AHCTF1: variants seen among roughly 807,000 people sequenced by gnomAD.
AHCTF1 encodes the protein AT-hook containing transcription factor 1, also known as protein ELYS.
In AHCTF1, 24 loss-of-function variants were observed where a neutral mutation model predicts 248.4. The observed-to-expected ratio is 0.10, with a 90% confidence interval of 0.07 to 0.14. AHCTF1 has a LOEUF of 0.14. AHCTF1 is among the 10% of genes least tolerant of loss of function. The pLI, the probability that AHCTF1 is intolerant of heterozygous loss-of-function variation, is 1.00. For synonymous variants in AHCTF1, 786 were observed against 929.8 expected, an observed-to-expected ratio of 0.85 and a Z score of 2.81; for missense variants, 2,206 against 2,636.2, an observed-to-expected ratio of 0.84 and a Z score of 3.57.
At chr1:246,927,045 A>G (rs370390882) in intron 1 of AHCTF1, among the ~76,000 whole-genome samples, 3 of 151,142 alleles carry the variant, frequency 2.0e-5, no homozygotes, top group East Asian at 3.9e-4. Context: ...GGGCGTGGTG[A>G]CGGGAACCTG....
intron 17 of AHCTF1, among the ~76,000 whole-genome samples, chr1:246,889,292 C>G (rs1054281199): frequency 6.6e-6 from 1 of 151,862 alleles, no homozygotes; most frequent in Non-Finnish European, 1.5e-5. Flanking sequence ...CCCCTGATTT[C>G]CTTTTCTAAT....
rs201652739 is a variant in AHCTF1 at position 246,921,662 on chromosome 1, GA to G, written c.-7-3286del. Among the ~76,000 whole-genome samples the G allele has an allele frequency of 3.9e-3, 599 of 152,102 alleles. 2 individuals carry two copies. The highest frequency in any genetic ancestry group is 0.014 in the African/African-American group (566 of 41,488). ...AGTCAGGAAGTCCAATGAATCCTAG[GA>G]ACTACCAAAAAAGAGAAATGACTCA... On this transcript the variant is annotated intron_variant, in intron 1 of 35. Transcript: ENST00000648844.
chr1:246,860,196 G>C (rs1396761731), intron 29 of AHCTF1, among the ~76,000 whole-genome samples: 3 of 151,466 alleles, frequency 2.0e-5, no homozygotes, highest in Non-Finnish European at 4.4e-5. Flanking sequence ...GTTGGGGGGG[G>C]GGCGGAGGTT....
rs770863446 is a variant in AHCTF1 at position 246,877,052 on chromosome 1, A to G, written c.2835T>C (p.Ser945=). ...GGAATTCATGATTCTGAACGCTGGC[A>G]CTGGACTGCAAAAATTTCACTAAAC... ...QECLVKFLQS[S]ASVQNHEFLL... is the part of the protein sequence containing the mutation. Residue 945 remains serine (S), a synonymous_variant, in exon 23 of 36, where the codon AGT becomes AGC. Transcript: ENST00000648844. 2.5e-6 allele frequency: 4 copies of G among 1,612,224 alleles called. No individual in the cohort carries two copies. Among genetic ancestry groups the G allele is most frequent in the South Asian group, 2.2e-5 (2 of 90,992 alleles).
intron 4 of AHCTF1, among the ~76,000 whole-genome samples, chr1:246,910,787 G>GGAA (rs1665746621): frequency 6.6e-6 from 1 of 151,644 alleles, no homozygotes; most frequent in East Asian, 1.9e-4. Flanking sequence ...TCAGAGAAGA[G>GGAA]ATTAGATTTT....
At chr1:246,928,302 CAAAAAAAAAAAAAA>C (rs35687457) in intron 1 of AHCTF1, among the ~76,000 whole-genome samples, 1 of 94,228 alleles carries the variant, frequency 1.1e-5, no homozygotes, top group Non-Finnish European at 2.2e-5. Flanking sequence ...GACTCCGTCT[CAAAAAAAAAAAAAA>C]AAAAAAATTA....
At chr1:246,915,429 C>G (rs776166461) in intron 3 of AHCTF1, among the ~76,000 whole-genome samples, 2 of 152,198 alleles carry the variant, frequency 1.3e-5, no homozygotes, top group Non-Finnish European at 2.9e-5. Context: ...GCCCCCTATT[C>G]TTCCTTCCCC....
chr1:246,843,863 T>C lies in AHCTF1; in HGVS notation c.6457A>G (p.Ile2153Val), dbSNP rs201853355. 3.0e-5 allele frequency: 45 copies of C among 1,510,582 alleles called. No homozygotes were observed. Among genetic ancestry groups the C allele is most frequent in the Non-Finnish European group, 3.8e-5 (43 of 1,130,548 alleles). The allele number at this position is 1,510,582 out of a possible 1,614,324, so 93.6% of individuals were successfully genotyped here. A position where few individuals can be genotyped will look rare whatever the true frequency, so the allele number is the denominator to read the frequency against. Residue 2153 changes from isoleucine (I) to valine (V), a missense_variant, in exon 34 of 36, where the codon ATC becomes GTC. Ile to Val is a conservative substitution (Grantham distance 29). Transcript: ENST00000648844. ...LVSDLSSQFV[I>V]SPPALRSRQK... ...CTGCTCCTTAAAGCAGGAGGTGAGA[T>C]GACAAACTGAGAAGATAAATCCGAA...
chr1:246,908,905 A>G (rs972485566), intron 4 of AHCTF1, among the ~76,000 whole-genome samples: 1 of 151,184 alleles, frequency 6.6e-6, no homozygotes, highest in African/African-American at 2.4e-5. Flanking sequence ...CTCAAAAGAA[A>G]AAAAAAAAAA....
rs1222410116 is a variant in AHCTF1 at position 246,839,202 on chromosome 1, TTTGC to T, written c.*1600_*1603del. On this transcript the variant is annotated 3_prime_UTR_variant, in exon 36 of 36. Coordinates refer to ENST00000648844, the MANE Select transcript of AHCTF1 (RefSeq NM_001323342.2). ...AAGTTCATTTAGAACAGGCAATTTG[TTTGC>T]TTATGATCTACATTCACGGAGGGGG... 6.6e-6 allele frequency: 1 copy of T among 152,182 alleles called. No individual in the cohort carries two copies. 9.4% of individuals were successfully genotyped at this position (152,182 alleles called of 1,614,324 possible). A position where few individuals can be genotyped will look rare whatever the true frequency, so the allele number is the denominator to read the frequency against.
chr1:246,906,405 C>T (rs974659479), intron 5 of AHCTF1, among the ~76,000 whole-genome samples: 1 of 151,592 alleles, frequency 6.6e-6, no homozygotes, highest in African/African-American at 2.4e-5. Context: ...AGGTGAAAAT[C>T]CGTCTCTAAA....
chr1:246,861,612 T>G (rs544738016), intron 28 of AHCTF1, among the ~76,000 whole-genome samples: 111 of 152,232 alleles, frequency 7.3e-4, no homozygotes, highest in African/African-American at 2.5e-3. Flanking sequence ...AACATATAAC[T>G]AGTTAGAAAC....
chr1:246,843,962 T>TTA, intron 33 of AHCTF1, 34 bp from the exon 34 acceptor site: 1 of 1,334,720 alleles, frequency 7.5e-7, no homozygotes, highest in Middle Eastern at 2.1e-4. Flanking sequence ...ATCTGTATCT[T>TTA]TATATATGTG....
chr1:246,926,971 G>A lies in AHCTF1; in HGVS notation c.-8+4607C>T, dbSNP rs895521823. Among the ~76,000 whole-genome samples, 9 of 151,774 alleles carry A rather than the reference G, an allele frequency of 5.9e-5. No homozygotes were observed. The South Asian group carries it at 6.3e-4, about 11-fold the overall frequency. ...GGGCGGATCACGAGGTCAGGAGATC[G>A]AGACCATCCTGGCTAACAAGGTGAA... On this transcript the variant is annotated intron_variant, in intron 1 of 35. Coordinates refer to ENST00000648844, the MANE Select transcript of AHCTF1 (RefSeq NM_001323342.2).
chr1:246,844,981 G>C (rs1429751670), intron 33 of AHCTF1, among the ~76,000 whole-genome samples: 2 of 152,074 alleles, frequency 1.3e-5, no homozygotes. Flanking sequence ...CTATAAAATA[G>C]GGTTAATAGT....
At position 246,918,237 on chromosome 1, in the gene AHCTF1, A is replaced by G. The variant is rs1666281079; in HGVS notation, c.121+13T>C. 6.2e-7 allele frequency: 1 copy of G among 1,601,066 alleles called. No individual in the cohort carries two copies. The highest frequency in any genetic ancestry group is 1.1e-5 in the South Asian group (1 of 88,154). The stretch of plus-strand genomic sequence containing the variant: ...CAATTGTATTAGTAAATGTTCAGTG[A>G]CATTATGTTTACCTGCAGCAAACTT... On this transcript the variant is annotated intron_variant, in intron 2 of 35. Transcript: ENST00000648844.
chr1:246,899,620 A>G, intron 10 of AHCTF1, 108 bp from the exon 11 acceptor site: 1 of 717,948 alleles, frequency 1.4e-6, no homozygotes. Flanking sequence ...AAATTATTAC[A>G]TGTAATAAAT....
intron 5 of AHCTF1, 92 bp from the exon 6 acceptor site, chr1:246,905,749 T>C: frequency 1.2e-6 from 1 of 848,576 alleles, no homozygotes; most frequent in Non-Finnish European, 1.9e-6. Context: ...GCAACCACTG[T>C]TCCTACACTT....
chr1:246,860,329 G>A (rs955597326), intron 29 of AHCTF1, among the ~76,000 whole-genome samples: 1 of 152,132 alleles, frequency 6.6e-6, no homozygotes, highest in African/African-American at 2.4e-5. Context: ...CATAGCTACT[G>A]GAAGGACTTT....
Sources: gnomAD v4.1 joint callset for allele counts (sites outside exome capture counted in the v4.1 genomes callset) on GRCh38, gnomAD v4.1.1 for gene constraint, MANE v1.5 for transcripts, NCBI Gene and HGNC (gene_info 2026-07-23, HGNC 2026-07-21) for gene names.